CYYR1: variants seen among roughly 807,000 people sequenced by gnomAD.
The protein encoded by CYYR1 is cysteine and tyrosine-rich protein 1.
CYYR1 carries 14 observed loss-of-function variants against 15.2 expected under a neutral mutation model. That is an observed-to-expected ratio of 0.92 (90% confidence interval 0.61 to 1.44). CYYR1 has a LOEUF of 1.44. Among genes scored for constraint, CYYR1 ranks in the 40% most tolerant of loss-of-function variants. The pLI, the probability that CYYR1 is intolerant of heterozygous loss-of-function variation, is 0.00. For missense variants in CYYR1, 228 were observed against 209.5 expected (o/e 1.09, Z -0.54); for synonymous variants, 80 against 77.4 (o/e 1.03, Z -0.18).
intron 2 of CYYR1, among the ~76,000 whole-genome samples, chr21:26,542,390 C>T (rs1410923202): frequency 6.6e-6 from 1 of 151,652 alleles, no homozygotes; most frequent in African/African-American, 2.4e-5. Context: ...CAATATATTT[C>T]ACCTTACAAG....
At chr21:26,496,799 TTATGCAATACCC>T (rs1456050391) in intron 2 of CYYR1, among the ~76,000 whole-genome samples, 2 of 152,198 alleles carry the variant, frequency 1.3e-5, no homozygotes, top group Admixed American at 6.5e-5. Context: ...TATAGAATAT[TTATGCAATACCC>T]TATTGCTGAT....
At chr21:26,475,980 G>T (rs1372550477) in intron 3 of CYYR1, among the ~76,000 whole-genome samples, 1 of 152,088 alleles carries the variant, frequency 6.6e-6, no homozygotes, top group African/African-American at 2.4e-5. Context: ...TTAATATTCA[G>T]TACAAACACA....
rs770885517 is a variant in CYYR1, at chr21:26,545,567, C to CTTTTTTTTTTT, written c.176+20688_176+20698dup. ...CCTTCTGGTTAATAAGATGCTTATT[C>CTTTTTTTTTTT]TTTTTTTTTTTTTTTTTTTTTTTTT... On this transcript the variant is annotated intron_variant, in intron 2 of 3. Transcript: ENST00000652641. Among the ~76,000 whole-genome samples, 168 of 73,750 alleles carry CTTTTTTTTTTT rather than the reference C, an allele frequency of 2.3e-3. 26 individuals are homozygous for CTTTTTTTTTTT. Among genetic ancestry groups the CTTTTTTTTTTT allele is most frequent in the Middle Eastern group, 0.029 (2 of 70 alleles). 48.4% of individuals were successfully genotyped at this position (73,750 alleles called of 152,430 possible). A position where few individuals can be genotyped will look rare whatever the true frequency, so the allele number is the denominator to read the frequency against.
At chr21:26,560,943 T>G (rs1980154649) in intron 2 of CYYR1, among the ~76,000 whole-genome samples, 1 of 152,238 alleles carries the variant, frequency 6.6e-6, no homozygotes, top group African/African-American at 2.4e-5. Context: ...GAAACCTTAT[T>G]TTTCCTTCCT....
At chr21:26,505,274 TCCCTCCAA>T (rs909068679) in intron 2 of CYYR1, among the ~76,000 whole-genome samples, 1 of 152,118 alleles carries the variant, frequency 6.6e-6, no homozygotes, top group Non-Finnish European at 1.5e-5. Flanking sequence ...GAATTAATAT[TCCCTCCAA>T]AAATTGTTAT....
chr21:26,533,149 T>C (rs1168182818), intron 2 of CYYR1, among the ~76,000 whole-genome samples: 4 of 148,326 alleles, frequency 2.7e-5, no homozygotes, highest in Non-Finnish European at 4.4e-5. Context: ...GAAATATGTA[T>C]TGTAGTAAAT....
intron 2 of CYYR1, among the ~76,000 whole-genome samples, chr21:26,501,069 G>A (rs1267213260): frequency 1.3e-5 from 2 of 152,232 alleles, no homozygotes; most frequent in Non-Finnish European, 2.9e-5. Context: ...GCCGGGCGCA[G>A]TGACTTACGC....
At chr21:26,478,107 C>A (rs769504496) in intron 3 of CYYR1, 3 of 1,549,386 alleles carry the variant, frequency 1.9e-6, no homozygotes, top group South Asian at 1.2e-5. Flanking sequence ...CAAAATAGAC[C>A]AAGATCTCTG....
chr21:26,505,041 T>C (rs2123490125), intron 2 of CYYR1, among the ~76,000 whole-genome samples: 1 of 152,320 alleles, frequency 6.6e-6, no homozygotes, highest in African/African-American at 2.4e-5. Flanking sequence ...TCAGGCTATA[T>C]TTTGCATTTT....
chr21:26,503,565 C>T (rs1462138290), intron 2 of CYYR1: 1 of 152,138 alleles, frequency 6.6e-6, no homozygotes, highest in Non-Finnish European at 1.5e-5. Context: ...CATTTCTGTT[C>T]ACTTTTGTGT....
Position 26,500,123 on chromosome 21 carries a change from C to G in CYYR1, c.177-19694G>C, listed in dbSNP as rs563745299. On this transcript the variant is annotated intron_variant, in intron 2 of 3. Coordinates refer to ENST00000652641, the MANE Select transcript of CYYR1 (RefSeq NM_001320768.2). ...TGTCTTCACATTGCAGAGAGAAGAACCTTTGGTGGTTCTTCCTCTTTTTAT... is the reference window on the plus strand; with the variant it reads ...TGTCTTCACATTGCAGAGAGAAGAAGCTTTGGTGGTTCTTCCTCTTTTTAT... 5.3e-5 allele frequency among the ~76,000 whole-genome samples: 8 copies of G among 152,062 alleles called. No individual in the cohort carries two copies. In the East Asian group the frequency reaches 1.6e-3, roughly 30 times the overall value.
chr21:26,572,479 T>A (rs951680519), intron 1 of CYYR1, among the ~76,000 whole-genome samples: 2 of 152,114 alleles, frequency 1.3e-5, no homozygotes, highest in Non-Finnish European at 2.9e-5. Flanking sequence ...AGCTCTAAGT[T>A]TTTTTTATTC....
intron 3 of CYYR1, among the ~76,000 whole-genome samples, chr21:26,476,222 T>C (rs1198428795): frequency 6.6e-6 from 1 of 152,172 alleles, no homozygotes; most frequent in Non-Finnish European, 1.5e-5. Context: ...TATTTTCTCA[T>C]GCTAAGATTT....
chr21:26,511,856 CAAGTTG>C (rs1177587477), intron 2 of CYYR1, among the ~76,000 whole-genome samples: 14 of 152,028 alleles, frequency 9.2e-5, no homozygotes, highest in Admixed American at 8.5e-4. Flanking sequence ...GTCATGGTGC[CAAGTTG>C]ATGATACATT....
At chr21:26,565,569 G>A (rs1250292799) in intron 2 of CYYR1, among the ~76,000 whole-genome samples, 4 of 152,242 alleles carry the variant, frequency 2.6e-5, no homozygotes, top group East Asian at 1.9e-4. Context: ...TTTTCCAGCC[G>A]TACAGCCCTG....
chr21:26,545,307 G>A (rs980611578), intron 2 of CYYR1, among the ~76,000 whole-genome samples: 2 of 50,098 alleles, frequency 4.0e-5, no homozygotes, highest in African/African-American at 2.3e-4. Context: ...TCACGTGGCT[G>A]ACTTAAGTCA....
intron 2 of CYYR1, among the ~76,000 whole-genome samples, chr21:26,546,267 G>A (rs1978971468): frequency 6.6e-6 from 1 of 152,230 alleles, no homozygotes; most frequent in African/African-American, 2.4e-5. Context: ...AATACAAGTA[G>A]TAATATTGTA....
intron 2 of CYYR1, among the ~76,000 whole-genome samples, chr21:26,557,281 A>G (rs773106545): frequency 7.2e-5 from 11 of 152,166 alleles, no homozygotes; most frequent in Non-Finnish European, 1.2e-4. Context: ...TGTGATGTCT[A>G]TCTAATTAAG....
intron 2 of CYYR1, among the ~76,000 whole-genome samples, chr21:26,523,554 C>T (rs944971169): frequency 3.9e-5 from 6 of 152,188 alleles, no homozygotes; most frequent in African/African-American, 1.2e-4. Flanking sequence ...CAACTTCTTT[C>T]TGCCTACTAT....
Sources: gnomAD v4.1 joint callset for allele counts (sites outside exome capture counted in the v4.1 genomes callset) on GRCh38, gnomAD v4.1.1 for gene constraint, MANE v1.5 for transcripts, NCBI Gene and HGNC (gene_info 2026-07-23, HGNC 2026-07-21) for gene names.